The following NXPE2 variants were observed in gnomAD, a reference collection of about 807,000 sequenced individuals.
NXPE2 encodes the protein neurexophilin and PC-esterase domain family member 2, also known as NXPE family member 2.
A neutral mutation model predicts 34.4 loss-of-function variants in NXPE2; 34 were observed. That is an observed-to-expected ratio of 0.99 (90% CI 0.75 to 1.31). The LOEUF (loss-of-function observed/expected upper bound fraction) is 1.31. Ranked by LOEUF, NXPE2 falls within the 40% of genes most tolerant of loss-of-function variation. The pLI is 0.00. For synonymous variants in NXPE2, 235 were observed against 231.3 expected (o/e 1.02, Z -0.15); for missense variants, 649 against 672.5 (o/e 0.97, Z 0.39).
chr11:114,571,406 C>A, the NXPE2 span: 2 of 1,613,508 alleles, frequency 1.2e-6, no homozygotes, highest in Non-Finnish European at 1.7e-6. Flanking sequence ...TGTTGATGTT[C>A]CTATCCAAAT....
At chr11:114,541,894 T>C in the NXPE2 span, among the ~76,000 whole-genome samples, 1 of 152,066 alleles carries the variant, frequency 6.6e-6, no homozygotes, top group East Asian at 1.9e-4. Flanking sequence ...TGCTTCTCAA[T>C]GTTTATCTGT....
chr11:114,491,898 C>G, the NXPE2 span, among the ~76,000 whole-genome samples: 1 of 152,116 alleles, frequency 6.6e-6, no homozygotes, highest in Non-Finnish European at 1.5e-5. Context: ...TCTGAGCAAA[C>G]TATTGCAAGG....
At chr11:114,475,776 C>G in the NXPE2 span, among the ~76,000 whole-genome samples, 1 of 152,282 alleles carries the variant, frequency 6.6e-6, no homozygotes, top group East Asian at 1.9e-4. Context: ...TTCCTTGCTG[C>G]ACTTTCATCC....
the NXPE2 span, among the ~76,000 whole-genome samples, chr11:114,644,404 C>T: frequency 6.6e-6 from 1 of 152,062 alleles, no homozygotes; most frequent in Non-Finnish European, 1.5e-5. Context: ...TCATAAATTG[C>T]TCTTATTATT....
At chr11:114,742,491 G>T in the NXPE2 span, among the ~76,000 whole-genome samples, 1,681 of 152,278 alleles carry the variant, frequency 0.011, 22 homozygotes, top group African/African-American at 0.037. Flanking sequence ...GCTCACTCAT[G>T]CCCCTCTCAC....
chr11:114,646,175 A>C, the NXPE2 span, among the ~76,000 whole-genome samples: 1 of 152,006 alleles, frequency 6.6e-6, no homozygotes, highest in Non-Finnish European at 1.5e-5. Flanking sequence ...TCTATATCTT[A>C]AACTAACTAT....
the NXPE2 span, among the ~76,000 whole-genome samples, chr11:114,744,988 CTG>C: frequency 1.3e-4 from 20 of 151,914 alleles, no homozygotes; most frequent in Non-Finnish European, 2.4e-4. Context: ...TTAACAGAAA[CTG>C]TGTTAGTTGG....
chr11:114,634,638 G>C, the NXPE2 span, among the ~76,000 whole-genome samples: 2 of 151,990 alleles, frequency 1.3e-5, no homozygotes, highest in Non-Finnish European at 2.9e-5. Flanking sequence ...ATTAATTTTT[G>C]TATAAGGTGT....
the NXPE2 span, among the ~76,000 whole-genome samples, chr11:114,509,620 G>A: frequency 2.7e-3 from 405 of 152,278 alleles, no homozygotes; most frequent in African/African-American, 9.3e-3. Flanking sequence ...GTCTTTTGCA[G>A]GGACTTGGAT....
the NXPE2 span, among the ~76,000 whole-genome samples, chr11:114,531,137 T>C: frequency 6.6e-6 from 1 of 151,806 alleles, no homozygotes; most frequent in Non-Finnish European, 1.5e-5. Context: ...TTATCAATAT[T>C]ATTTAAATTG....
At chr11:114,602,758 A>T in the NXPE2 span, among the ~76,000 whole-genome samples, 3 of 144,876 alleles carry the variant, frequency 2.1e-5, no homozygotes, top group African/African-American at 7.4e-5. Flanking sequence ...ATATATAAGT[A>T]TCTCATATAT....
chr11:114,513,091 C>T, the NXPE2 span: 1 of 520,506 alleles, frequency 1.9e-6, no homozygotes, highest in Non-Finnish European at 3.9e-6. Flanking sequence ...TGAAGTTGAT[C>T]ACCTTTCCTG....
At chr11:114,674,777 A>G (rs1950839199), upstream of NXPE2, among the ~76,000 whole-genome samples, 1 of 151,862 alleles carries the variant, frequency 6.6e-6, no homozygotes, top group Non-Finnish European at 1.5e-5. Flanking sequence ...ATTGAAGTAA[A>G]GGGAATACTT....
the NXPE2 span, among the ~76,000 whole-genome samples, chr11:114,639,159 G>T: frequency 6.6e-6 from 1 of 152,032 alleles, no homozygotes; most frequent in Non-Finnish European, 1.5e-5. Flanking sequence ...ACCTAAGCAA[G>T]CCTGGGCAAT....
At chr11:114,658,726 C>T in the NXPE2 span, among the ~76,000 whole-genome samples, 17 of 152,078 alleles carry the variant, frequency 1.1e-4, no homozygotes, top group African/African-American at 3.9e-4. Context: ...TGTCCTGGGC[C>T]CAGACCATTA....
At chr11:114,498,547 C>G in the NXPE2 span, among the ~76,000 whole-genome samples, 1 of 152,036 alleles carries the variant, frequency 6.6e-6, no homozygotes, top group African/African-American at 2.4e-5. Flanking sequence ...GCACACTGCT[C>G]TTCTTCCTGA....
At chr11:114,795,201 C>G in the NXPE2 span, among the ~76,000 whole-genome samples, 1 of 152,094 alleles carries the variant, frequency 6.6e-6, no homozygotes, top group Non-Finnish European at 1.5e-5. Flanking sequence ...AGAAAGCCTT[C>G]CCAGTTTGCA....
the NXPE2 span, among the ~76,000 whole-genome samples, chr11:114,620,649 A>G: frequency 6.6e-6 from 1 of 151,598 alleles, no homozygotes; most frequent in Non-Finnish European, 1.5e-5. Context: ...AACCCAGTGG[A>G]TTACCCAGTG....
chr11:114,705,718 A>C (rs890509650), intron 4 of NXPE2, 63 bp from the exon 5 acceptor site: 5 of 1,056,868 alleles, frequency 4.7e-6, no homozygotes, highest in Non-Finnish European at 5.2e-6. Context: ...AAAAATGAGA[A>C]ACATTTTTCC....
Sources: allele counts gnomAD v4.1 joint callset (sites outside exome capture counted in the v4.1 genomes callset), GRCh38; gene constraint gnomAD v4.1.1; transcripts MANE v1.5; gene names NCBI Gene and HGNC (gene_info 2026-07-23, HGNC 2026-07-21).